The following TBC1D20 variants were observed in gnomAD, a reference collection of about 807,000 sequenced individuals.
TBC1D20 encodes the protein TBC1 domain family member 20.
Under a neutral mutation model 41.6 loss-of-function variants are expected in TBC1D20, and 12 were observed. The ratio of observed to expected loss-of-function variants is 0.29; its 90% confidence interval spans 0.18 to 0.47. The LOEUF (loss-of-function observed/expected upper bound fraction) is 0.47. TBC1D20 is among the 20% of genes least tolerant of loss of function. TBC1D20 has a pLI of 1.00. For synonymous variants in TBC1D20, 205 were observed against 204.8 expected, an observed-to-expected ratio of 1.00 and a Z score of -0.01; for missense variants, 421 against 517.4, an observed-to-expected ratio of 0.81 and a Z score of 1.81.
At chr20:441,332 GCATA>G in intron 5 of TBC1D20, 1 of 432,396 alleles carries the variant, frequency 2.3e-6, no homozygotes, top group Non-Finnish European at 4.2e-6. Flanking sequence ...TCTTACCTTG[GCATA>G]CATACCTTAT....
At chr20:443,242 C>T (rs1192411941) in intron 3 of TBC1D20, among the ~76,000 whole-genome samples, 4 of 152,134 alleles carry the variant, frequency 2.6e-5, no homozygotes, top group Admixed American at 6.5e-5. Context: ...TAAAGTTACA[C>T]GGTCCCCTTT....
At chr20:438,940 G>T in intron 7 of TBC1D20, 99 bp from the exon 8 acceptor site, 1 of 1,516,504 alleles carries the variant, frequency 6.6e-7, no homozygotes, top group Non-Finnish European at 8.9e-7. Flanking sequence ...TTCATTGCTG[G>T]GAAAGCTCTT....
chr20:452,909 G>A lies in TBC1D20; in HGVS notation c.71-4835C>T, dbSNP rs554552940. 2.6e-5 allele frequency among the ~76,000 whole-genome samples: 4 copies of A among 152,212 alleles called. No homozygotes were observed. The South Asian group carries it at 8.3e-4, about 32-fold the overall frequency. On this transcript the variant is annotated intron_variant, in intron 1 of 7. Coordinates refer to ENST00000354200, the MANE Select transcript of TBC1D20 (RefSeq NM_144628.4). ...TCATGCCTGTGATCCCAGCATTTTG[G>A]GAGGCCGAGGCGGGCAGACCACCTG...
intron 5 of TBC1D20, 92 bp downstream of exon 5, chr20:441,496 G>C (rs1039526022): frequency 2.7e-6 from 3 of 1,127,660 alleles, no homozygotes; most frequent in Non-Finnish European, 4.0e-6. Flanking sequence ...AAGACAATGA[G>C]GAAACTGCGC....
intron 1 of TBC1D20, among the ~76,000 whole-genome samples, chr20:449,903 T>C (rs921409016): frequency 8.5e-5 from 13 of 152,202 alleles, no homozygotes; most frequent in African/African-American, 2.9e-4. Flanking sequence ...GAATTACAAC[T>C]ATAATAAACG....
At chr20:460,497 A>C (rs1342619855) in intron 1 of TBC1D20, among the ~76,000 whole-genome samples, 1 of 152,146 alleles carries the variant, frequency 6.6e-6, no homozygotes, top group African/African-American at 2.4e-5. Context: ...GCAGGAGAGG[A>C]AAACCTTATT....
Position 445,036 on chromosome 20 carries a change from G to C in TBC1D20, c.337+14C>G. On this transcript the variant is annotated intron_variant, in intron 3 of 7. Coordinates refer to ENST00000354200, the MANE Select transcript of TBC1D20 (RefSeq NM_144628.4). ...AGTCTTTCCAAATGTGGCAGGACCG[G>C]GAGAGCTTCTCACCAGGAGGGAACC... 6.3e-7 allele frequency: 1 copy of C among 1,595,804 alleles called. No individual in the cohort carries two copies.
In TBC1D20 at chr20:440,317, C is replaced by T; in HGVS notation, c.699G>A (p.Arg233=). The part of the protein sequence containing the change: ...TWFGHVLSDF[R]HVVRLYDFFL... The stretch of plus-strand genomic sequence containing the variant: ...AGAAGTCATATAACCGCACGACGTG[C>T]CTGAAGTCAGACAGGACATGCCCAA... Residue 233 remains arginine (R), a synonymous_variant, in exon 6 of 8, where the codon AGG becomes AGA. Coordinates refer to ENST00000354200, the MANE Select transcript of TBC1D20 (RefSeq NM_144628.4). 1 of 1,614,096 alleles carries T rather than the reference C, an allele frequency of 6.2e-7. No individual in the cohort carries two copies. The highest frequency in any genetic ancestry group is 8.5e-7 in the Non-Finnish European group (1 of 1,180,020).
At position 447,909 on chromosome 20, in the gene TBC1D20, T is replaced by C. The variant is rs36088178; in HGVS notation, c.236A>G (p.Asn79Ser). The change falls in exon 2 of 8, where the codon AAT becomes AGT. Residue 79 changes from asparagine to serine, a missense_variant. This residue lies in a region of TBC1D20 where 150 missense variants were observed against 151.3 expected (regional missense o/e 0.99). Coordinates refer to ENST00000354200, the MANE Select transcript of TBC1D20 (RefSeq NM_144628.4). ...CTTACCTGATATAGGAGGTGGGTCA[T>C]TGGCATTGACATTGAGGAGCTTGGG... ...VWPKLLNVNA[N>S]DPPPISGKNL... is the part of the protein sequence containing the mutation. The C allele has an allele frequency of 0.036, 57,721 of 1,613,080 alleles. 1,393 individuals carry two copies. The highest frequency in any genetic ancestry group is 0.075 in the South Asian group (6,826 of 91,032).
chr20:457,940 A>G (rs2017569846), intron 1 of TBC1D20, among the ~76,000 whole-genome samples: 1 of 151,630 alleles, frequency 6.6e-6, no homozygotes, highest in Non-Finnish European at 1.5e-5. Flanking sequence ...AAAACCTAAC[A>G]TATTTAATTT....
intron 1 of TBC1D20, among the ~76,000 whole-genome samples, chr20:452,597 A>G (rs1245245900): frequency 6.6e-6 from 1 of 152,230 alleles, no homozygotes; most frequent in Non-Finnish European, 1.5e-5. Context: ...AGCCTAGGTG[A>G]CAGAGCAATA....
intron 5 of TBC1D20, 95 bp downstream of exon 5, chr20:441,493 T>C (rs2017227892): frequency 9.3e-7 from 1 of 1,078,882 alleles, no homozygotes; most frequent in South Asian, 1.3e-5. Context: ...CCCAAGACAA[T>C]GAGGAAACTG....
intron 3 of TBC1D20, among the ~76,000 whole-genome samples, chr20:444,453 G>A (rs6116005): frequency 0.43 from 66,124 of 152,096 alleles, 14,652 homozygotes; most frequent in Middle Eastern, 0.49. Context: ...ATCCATGTGA[G>A]GTTTGTTGCC....
rs1295878404 is a variant in TBC1D20 at position 436,336 on chromosome 20, AC to A, written c.*2249del. 1 of 152,316 alleles carries A rather than the reference AC, an allele frequency of 6.6e-6. No individual in the cohort carries two copies. Among genetic ancestry groups the A allele is most frequent in the Non-Finnish European group, 1.5e-5 (1 of 68,044 alleles). The allele number at this position is 152,316 out of a possible 1,614,324, so 9.4% of individuals were successfully genotyped here. Reference sequence around the variant, plus strand: ...ATACAGGGCTCTGTACAAAATATTTACACATATTCTTTACAGAATAAGTAAA... The same window carrying A: ...ATACAGGGCTCTGTACAAAATATTTAACATATTCTTTACAGAATAAGTAAA... On this transcript the variant is annotated 3_prime_UTR_variant, in exon 8 of 8. Coordinates refer to ENST00000354200, the MANE Select transcript of TBC1D20 (RefSeq NM_144628.4).
chr20:454,741 G>A (rs933604764), intron 1 of TBC1D20, among the ~76,000 whole-genome samples: 2 of 151,826 alleles, frequency 1.3e-5, no homozygotes, highest in African/African-American at 4.8e-5. Flanking sequence ...AAGCAATCTT[G>A]GCTCACTGGA....
intron 6 of TBC1D20, 41 bp downstream of exon 6, chr20:440,207 G>T: frequency 1.2e-6 from 2 of 1,603,456 alleles, no homozygotes; most frequent in Non-Finnish European, 1.7e-6. Context: ...AGTGGGATGG[G>T]TGATGGTGAA....
chr20:448,053 T>G lies in TBC1D20; in HGVS notation c.92A>C (p.Lys31Thr). ...AGCCTGGTGTATCTCTGCCACTTTC[T>G]TTTTCCTTTTGGCGTTAAAGTCTGA... ...EKADFNAKRK[K>T]KVAEIHQALN... is the part of the protein sequence containing the mutation. The change falls in exon 2 of 8, where the codon AAG becomes ACG. Residue 31 changes from lysine (K) to threonine (T), a missense_variant. Transcript: ENST00000354200. 1.9e-6 allele frequency: 3 copies of G among 1,612,538 alleles called. No homozygotes were observed. The highest frequency in any genetic ancestry group is 1.7e-6 in the Non-Finnish European group (2 of 1,178,734).
At chr20:457,330 A>T (rs2017560144) in intron 1 of TBC1D20, among the ~76,000 whole-genome samples, 1 of 152,076 alleles carries the variant, frequency 6.6e-6, no homozygotes, top group Non-Finnish European at 1.5e-5. Context: ...CTGCAGCCTC[A>T]ACCTCTAGGG....
Position 440,408 on chromosome 20 carries a change from C to T in TBC1D20, c.627-19G>A. On this transcript the variant is annotated intron_variant, in intron 5 of 7. Coordinates refer to ENST00000354200, the MANE Select transcript of TBC1D20 (RefSeq NM_144628.4). ...CTCAGCACTAGAAACAAAGGAAAGG[C>T]AGGTGTCAGGTCCTGTGGGCCATCC... 1 of 1,613,626 alleles carries T rather than the reference C, an allele frequency of 6.2e-7. No homozygotes were observed. Among genetic ancestry groups the T allele is most frequent in the Non-Finnish European group, 8.5e-7 (1 of 1,179,722 alleles).
Sources: gnomAD v4.1 joint callset for allele counts (sites outside exome capture counted in the v4.1 genomes callset) on GRCh38, gnomAD v4.1.1 for gene constraint, gnomAD v4.1.1 regional missense constraint, MANE v1.5 for transcripts, NCBI Gene and HGNC (gene_info 2026-07-23, HGNC 2026-07-21) for gene names.